The following NHSL2 variants were observed in gnomAD, a reference collection of about 807,000 sequenced individuals.
The protein encoded by NHSL2 is NHS-like protein 2.
In NHSL2, 27 loss-of-function variants were observed where a neutral mutation model predicts 53.4. The ratio of observed to expected loss-of-function variants is 0.51; its 90% confidence interval spans 0.37 to 0.70. The LOEUF is 0.70. Among genes scored for constraint, NHSL2 ranks in the 30% least tolerant of loss-of-function variants. The pLI is 0.00. For missense variants in NHSL2, 892 were observed against 980.1 expected (o/e 0.91, Z 1.20); for synonymous variants, 408 against 404.1 (o/e 1.01, Z -0.12).
intron 1 of NHSL2, among the ~76,000 whole-genome samples, chrX:72,001,547 A>G (rs1158272243): frequency 9.0e-6 from 1 of 111,546 alleles, no homozygotes; most frequent in Non-Finnish European, 1.9e-5. Context: ...ACAGTTTCCC[A>G]TCTTCCCTTG....
intron 1 of NHSL2, among the ~76,000 whole-genome samples, chrX:71,998,570 G>C (rs751256641): frequency 9.0e-6 from 1 of 111,682 alleles, no homozygotes; most frequent in South Asian, 3.8e-4. Context: ...GGATCTTTAC[G>C]TGGAGGTTTA....
At chrX:72,010,834 A>G (rs1177460810) in intron 1 of NHSL2, among the ~76,000 whole-genome samples, 4 of 112,103 alleles carry the variant, frequency 3.6e-5, no homozygotes, top group African/African-American at 1.3e-4. Flanking sequence ...ATATACAAGC[A>G]GGGTGTTGCC....
chrX:71,964,501 G>C (rs2041892588), intron 1 of NHSL2, among the ~76,000 whole-genome samples: 1 of 111,158 alleles, frequency 9.0e-6, no homozygotes, highest in Non-Finnish European at 1.9e-5. Context: ...AACACAGCCA[G>C]CTGTTAAACC....
intron 1 of NHSL2, among the ~76,000 whole-genome samples, chrX:72,105,981 G>A (rs765152896): frequency 1.8e-5 from 2 of 110,897 alleles, no homozygotes; most frequent in Non-Finnish European, 1.9e-5. Context: ...AGGCTGAGGC[G>A]GGCAGATCAT....
Position 72,112,473 on chromosome X carries a change from C to T in NHSL2, c.281-19606C>T, listed in dbSNP as rs185334485. 2.1e-4 allele frequency among the ~76,000 whole-genome samples: 24 copies of T among 111,856 alleles called. No homozygotes were observed. In the East Asian group the frequency reaches 6.4e-3, roughly 30 times the overall value. ...CATTTTTATTATGCCAAAAAGGAGA[C>T]CTTTTTCTCATTAGCAGTCACTTTC... On this transcript the variant is annotated intron_variant, in intron 1 of 7. Coordinates refer to ENST00000633930, the MANE Select transcript of NHSL2 (RefSeq NM_001013627.3).
intron 1 of NHSL2, among the ~76,000 whole-genome samples, chrX:71,918,899 C>T (rs192370322): frequency 1.8e-5 from 2 of 111,996 alleles, no homozygotes; most frequent in Admixed American, 1.9e-4. Context: ...CCATGAAAAG[C>T]TATGCTCTAA....
Position 72,123,823 on chromosome X carries a change from ACCACCC to A in NHSL2, c.281-8247_281-8242del, listed in dbSNP as rs759434179. ...GGGCCCTACTTTCCCACACAAACAC[ACCACCC>A]CCACCCCCCATCAGGAGAGTTGCTG... On this transcript the variant is annotated intron_variant, in intron 1 of 7. Coordinates refer to ENST00000633930, the MANE Select transcript of NHSL2 (RefSeq NM_001013627.3). Among the ~76,000 whole-genome samples the A allele has an allele frequency of 2.7e-5, 3 of 109,577 alleles. No homozygotes were observed. In the East Asian group the frequency reaches 8.7e-4, roughly 32 times the overall value.
In NHSL2 at chrX:71,972,866, TTGTGTGTG is replaced by T. The variant is rs372160139; in HGVS notation, c.280+61527_280+61534del. Among the ~76,000 whole-genome samples the T allele has an allele frequency of 9.1e-3, 856 of 93,790 alleles. 6 individuals carry two copies. The highest frequency in any genetic ancestry group is 0.015 in the Non-Finnish European group (706 of 47,033). The allele number at this position is 93,790 out of a possible 115,157, so 81.4% of individuals were successfully genotyped here. A position where few individuals can be genotyped will look rare whatever the true frequency, so the allele number is the denominator to read the frequency against. ...AAATCTCTATTGCCTATCTTTATTG[TTGTGTGTG>T]TGTGTGTGTGTGTGTGTGTGTGTGT... On this transcript the variant is annotated intron_variant, in intron 1 of 7. Coordinates refer to ENST00000633930, the MANE Select transcript of NHSL2 (RefSeq NM_001013627.3).
chrX:72,055,206 G>A (rs1336091589), intron 1 of NHSL2, among the ~76,000 whole-genome samples: 1 of 112,094 alleles, frequency 8.9e-6, no homozygotes, highest in African/African-American at 3.2e-5. Context: ...GAAAGTCCCT[G>A]CGCATCTAAA....
At chrX:71,953,246 G>C (rs1402783981) in intron 1 of NHSL2, among the ~76,000 whole-genome samples, 2 of 112,307 alleles carry the variant, frequency 1.8e-5, no homozygotes, top group African/African-American at 6.5e-5. Context: ...CATCCTCAAG[G>C]CAAATGGTCT....
intron 1 of NHSL2, among the ~76,000 whole-genome samples, chrX:71,974,431 G>A (rs1204212103): frequency 1.8e-5 from 2 of 112,256 alleles, no homozygotes; most frequent in East Asian, 2.8e-4. Context: ...TCCAGAATAA[G>A]GCATTAATCA....
Position 71,962,789 on chromosome X carries a change from CT to C in NHSL2, c.280+51423del, listed in dbSNP as rs1453878074. On this transcript the variant is annotated intron_variant, in intron 1 of 7. Transcript: ENST00000633930. Reference sequence around the variant, plus strand: ...GGACTACAGGCATGTGCCACTATGCCTGGCTAATTTTTTTTTTATTTAATTT... The same window carrying C: ...GGACTACAGGCATGTGCCACTATGCCGGCTAATTTTTTTTTTATTTAATTT... Among the ~76,000 whole-genome samples, 8 of 108,789 alleles carry C rather than the reference CT, an allele frequency of 7.4e-5. 1 individual carries two copies. The highest frequency in any genetic ancestry group is 1.3e-4 in the Non-Finnish European group (7 of 52,439). 94.5% of individuals were successfully genotyped at this position (108,789 alleles called of 115,157 possible).
intron 1 of NHSL2, among the ~76,000 whole-genome samples, chrX:72,093,750 C>A (rs1011448113): frequency 9.4e-6 from 1 of 106,491 alleles, no homozygotes; most frequent in Non-Finnish European, 1.9e-5. Flanking sequence ...TTCTTTCTTT[C>A]TTTCTTTCTT....
At chrX:72,087,601 G>A (rs1247666538) in intron 1 of NHSL2, among the ~76,000 whole-genome samples, 2 of 112,964 alleles carry the variant, frequency 1.8e-5, no homozygotes, top group African/African-American at 6.4e-5. Flanking sequence ...GCCAGGCGCG[G>A]TGGCTCACGC....
chrX:72,019,420 G>C (rs1755078366), intron 1 of NHSL2, among the ~76,000 whole-genome samples: 1 of 112,388 alleles, frequency 8.9e-6, no homozygotes, highest in African/African-American at 3.2e-5. Context: ...ACAGAAACCC[G>C]ACACGTAGGT....
chrX:72,069,487 C>G (rs1166295434), intron 1 of NHSL2, among the ~76,000 whole-genome samples: 3 of 111,147 alleles, frequency 2.7e-5, no homozygotes, highest in Non-Finnish European at 5.7e-5. Flanking sequence ...GTGAGAGGCT[C>G]AGATCTGTAC....
intron 1 of NHSL2, among the ~76,000 whole-genome samples, chrX:72,113,352 G>A (rs1385719144): frequency 2.7e-5 from 3 of 111,099 alleles, no homozygotes; most frequent in East Asian, 2.8e-4. Context: ...ACAGCTTGCC[G>A]ACTCCCCTGT....
At chrX:71,983,666 A>G (rs1185314904) in intron 1 of NHSL2, among the ~76,000 whole-genome samples, 4 of 111,260 alleles carry the variant, frequency 3.6e-5, no homozygotes, top group Non-Finnish European at 3.8e-5. Flanking sequence ...GGAACTACCC[A>G]GAGCCACCAC....
Position 72,023,943 on chromosome X carries a change from T to C in NHSL2, c.281-108136T>C, listed in dbSNP as rs553326638. On this transcript the variant is annotated intron_variant, in intron 1 of 7. Transcript: ENST00000633930. ...GGAACCGACGGGAACTGTCAACTGA[T>C]GAGATGGTGAGGATGAAGGAGGAGG... Among the ~76,000 whole-genome samples the C allele has an allele frequency of 9.0e-5, 10 of 110,782 alleles. No homozygotes were observed. In the South Asian group the frequency reaches 1.5e-3, roughly 17 times the overall value.
Sources: gnomAD v4.1 joint callset for allele counts (sites outside exome capture counted in the v4.1 genomes callset) on GRCh38, gnomAD v4.1.1 for gene constraint, MANE v1.5 for transcripts, NCBI Gene and HGNC (gene_info 2026-07-23, HGNC 2026-07-21) for gene names.